Variants in DMD observed in about 807,000 individuals in gnomAD.
DMD encodes mutant dystrophin.
A neutral mutation model predicts 330.1 loss-of-function variants in DMD; 63 were observed. That is an observed-to-expected ratio of 0.19 (90% confidence interval 0.16 to 0.24). The LOEUF (loss-of-function observed/expected upper bound fraction) is 0.24. Ranked by LOEUF, DMD falls within the 10% of genes least tolerant of loss-of-function variation. DMD has a pLI of 1.00. For synonymous variants in DMD, 1,223 were observed against 959.8 expected, an observed-to-expected ratio of 1.27 and a Z score of -5.07; for missense variants, 3,344 against 2,684.1, an observed-to-expected ratio of 1.25 and a Z score of -5.43.
At chrX:33,070,673 C>CTCTCTCTCTCTCTCTCTATATATA (rs1192910156) in intron 1 of DMD, among the ~76,000 whole-genome samples, 1 of 35,656 alleles carries the variant, frequency 2.8e-5, no homozygotes, top group African/African-American at 1.3e-4. Flanking sequence ...CTCTCTCTCT[C>CTCTCTCTCTCTCTCTCTATATATA]TATATATATA....
At chrX:31,806,509 G>A (rs1273549667) in intron 50 of DMD, among the ~76,000 whole-genome samples, 1 of 112,152 alleles carries the variant, frequency 8.9e-6, no homozygotes, top group African/African-American at 3.2e-5. Flanking sequence ...CTTCACTCTA[G>A]GGTTCACTAA....
chrX:33,008,033 G>C (rs772177420), intron 2 of DMD, among the ~76,000 whole-genome samples: 2 of 111,229 alleles, frequency 1.8e-5, no homozygotes, highest in Admixed American at 9.6e-5. Context: ...CTAAACCAAA[G>C]AGTAACTTCA....
At chrX:31,231,912 G>A (rs1240983412) in intron 63 of DMD, among the ~76,000 whole-genome samples, 1 of 110,319 alleles carries the variant, frequency 9.1e-6, no homozygotes, top group Non-Finnish European at 1.9e-5. Context: ...ATATTCATAT[G>A]TACTGTGGTA....
intron 59 of DMD, among the ~76,000 whole-genome samples, chrX:31,457,999 T>C (rs1205979060): frequency 8.9e-6 from 1 of 111,791 alleles, no homozygotes; most frequent in Non-Finnish European, 1.9e-5. Context: ...ATTAATGTTT[T>C]TAGCCTTTCT....
At chrX:32,526,404 C>T (rs1313216602) in intron 17 of DMD, among the ~76,000 whole-genome samples, 1 of 110,984 alleles carries the variant, frequency 9.0e-6, no homozygotes, top group Non-Finnish European at 1.9e-5. Flanking sequence ...TCCCATCATA[C>T]AGGGCAAGTA....
chrX:32,098,562 A>T (rs1423008248), intron 44 of DMD, among the ~76,000 whole-genome samples: 1 of 111,831 alleles, frequency 8.9e-6, no homozygotes, highest in African/African-American at 3.2e-5. Flanking sequence ...CTCATTCTAG[A>T]TATTTCATTC....
chrX:32,037,796 A>G (rs1370548641), intron 44 of DMD, among the ~76,000 whole-genome samples: 2 of 112,152 alleles, frequency 1.8e-5, no homozygotes, highest in Non-Finnish European at 3.8e-5. Context: ...TGATGTTATC[A>G]TTGAATCTCC....
At chrX:32,279,966 C>CATATATATGTACCCCACAT (rs1557261060) in intron 43 of DMD, among the ~76,000 whole-genome samples, 11,087 of 60,865 alleles carry the variant, frequency 0.18, 1,083 homozygotes, top group East Asian at 0.37. Context: ...ATGTGTAACC[C>CATATATATGTACCCCACAT]ATATATATAT....
chrX:32,846,298 G>C (rs2080659998), intron 3 of DMD, among the ~76,000 whole-genome samples: 1 of 111,622 alleles, frequency 9.0e-6, no homozygotes, highest in Admixed American at 9.5e-5. Flanking sequence ...ACTTTTGTCT[G>C]TGTCTGTAGA....
chrX:32,334,724 C>A (rs12009691), intron 41 of DMD, among the ~76,000 whole-genome samples: 2,725 of 111,451 alleles, frequency 0.024, 79 homozygotes, highest in African/African-American at 0.084. Flanking sequence ...AACCTTTCAT[C>A]AATCTGAAAT....
chrX:32,294,923 G>A (rs973090855), intron 42 of DMD, among the ~76,000 whole-genome samples: 7 of 111,291 alleles, frequency 6.3e-5, no homozygotes, highest in African/African-American at 2.3e-4. Context: ...CCTCTAAAAA[G>A]GAAGCCATAG....
At chrX:31,509,260 C>G (rs955716563) in intron 55 of DMD, among the ~76,000 whole-genome samples, 2 of 111,066 alleles carry the variant, frequency 1.8e-5, no homozygotes, top group African/African-American at 6.5e-5. Flanking sequence ...TTCTTTTTTC[C>G]TTTTGCCTAC....
intron 48 of DMD, among the ~76,000 whole-genome samples, chrX:31,840,055 G>A (rs191872939): frequency 4.2e-4 from 47 of 110,646 alleles, no homozygotes; most frequent in Admixed American, 1.5e-3. Context: ...TTCACTCATC[G>A]AGCATAGGAA....
At chrX:32,519,922 A>G (rs1222009682) in intron 17 of DMD, among the ~76,000 whole-genome samples, 1 of 112,112 alleles carries the variant, frequency 8.9e-6, no homozygotes, top group African/African-American at 3.2e-5. Flanking sequence ...CACCAATTCC[A>G]GCTGCCCATA....
intron 2 of DMD, among the ~76,000 whole-genome samples, chrX:33,017,757 C>T (rs1442693834): frequency 9.0e-6 from 1 of 111,059 alleles, no homozygotes; most frequent in Admixed American, 9.7e-5. Context: ...CTTCTCAGAC[C>T]ACCCACACTG....
At chrX:32,048,069 A>T (rs1012172833) in intron 44 of DMD, among the ~76,000 whole-genome samples, 4 of 104,003 alleles carry the variant, frequency 3.8e-5, no homozygotes, top group African/African-American at 7.0e-5. Flanking sequence ...AATAATAATA[A>T]AAACGATAAG....
intron 7 of DMD, 88 bp downstream of exon 7, chrX:32,809,405 T>A: frequency 1.3e-6 from 1 of 787,748 alleles, no homozygotes; most frequent in South Asian, 2.1e-5. Context: ...ATATGTAGTT[T>A]TGTATTTTGT....
intron 55 of DMD, among the ~76,000 whole-genome samples, chrX:31,508,951 T>A (rs980342286): frequency 9.0e-6 from 1 of 111,425 alleles, no homozygotes; most frequent in African/African-American, 3.3e-5. Context: ...AGACAGACAA[T>A]GAATGTCTAT....
intron 16 of DMD, among the ~76,000 whole-genome samples, chrX:32,547,998 A>G (rs139205542): frequency 5.2e-4 from 58 of 111,836 alleles, no homozygotes; most frequent in Admixed American, 4.7e-3. Context: ...ATCATTTTCA[A>G]ACTCTATAAT....
Sources: gnomAD v4.1 joint callset for allele counts (sites outside exome capture counted in the v4.1 genomes callset) on GRCh38, gnomAD v4.1.1 for gene constraint, MANE v1.5 for transcripts, NCBI Gene and HGNC (gene_info 2026-07-23, HGNC 2026-07-21) for gene names.